VAMP4: variants seen among roughly 807,000 people sequenced by gnomAD.
VAMP4 encodes the protein vesicle-associated membrane protein 4.
In VAMP4, 19 loss-of-function variants were observed where a neutral mutation model predicts 23.5. That is an observed-to-expected ratio of 0.81 (90% CI 0.56 to 1.19). The LOEUF is 1.19. Among genes scored for constraint, VAMP4 ranks in the 50% most tolerant of loss-of-function variants. The pLI is 0.00. For synonymous variants in VAMP4, 31 were observed against 51.0 expected, an observed-to-expected ratio of 0.61 and a Z score of 1.67; for missense variants, 145 against 168.6, an observed-to-expected ratio of 0.86 and a Z score of 0.78.
chr1:171,723,260 G>A lies in VAMP4; in HGVS notation c.114-4039C>T, dbSNP rs147402272. ...AAATTAAAATTGCTAATGAAGTTTC[G>A]GGCACGCACTGTCATTGATAACATC... On this transcript the variant is annotated intron_variant, in intron 3 of 7. Transcript: ENST00000236192. Among the ~76,000 whole-genome samples, 421 of 152,216 alleles carry A rather than the reference G, an allele frequency of 2.8e-3. 5 individuals carry two copies. The highest frequency in any genetic ancestry group is 9.1e-3 in the African/African-American group (379 of 41,544).
intron 2 of VAMP4, among the ~76,000 whole-genome samples, 156 bp from the exon 3 acceptor site, chr1:171,728,726 A>G (rs1183084064): frequency 6.6e-6 from 1 of 152,236 alleles, no homozygotes. Flanking sequence ...CTGGAAGCTA[A>G]AAGATGTGGG....
At chr1:171,732,931 A>T (rs892984819) in intron 2 of VAMP4, among the ~76,000 whole-genome samples, 4 of 152,208 alleles carry the variant, frequency 2.6e-5, no homozygotes, top group Non-Finnish European at 4.4e-5. Flanking sequence ...AAAAGACCTG[A>T]TGTCTGTATT....
chr1:171,740,025 T>A (rs1275622688), intron 1 of VAMP4, among the ~76,000 whole-genome samples: 1 of 152,270 alleles, frequency 6.6e-6, no homozygotes, highest in East Asian at 1.9e-4. Context: ...TGTTTTACTA[T>A]GTGCTAGGCA....
chr1:171,738,209 C>T, intron 2 of VAMP4, 140 bp downstream of exon 2: 6 of 845,608 alleles, frequency 7.1e-6, no homozygotes, highest in Non-Finnish European at 1.1e-5. Flanking sequence ...TGGGCTCAAG[C>T]TATTCTGCTT....
In VAMP4 at chr1:171,704,096, G is replaced by A. The variant is rs10903; in HGVS notation, c.*410C>T. On this transcript the variant is annotated 3_prime_UTR_variant, in exon 8 of 8. Coordinates refer to ENST00000236192, the MANE Select transcript of VAMP4 (RefSeq NM_003762.5). ...ACAGAATGGTTATGCATCTCTTTCA[G>A]CATATAATTTGGTACTCTACACAGG... 0.17 allele frequency: 25,654 copies of A among 153,562 alleles called. 2,286 individuals are homozygous for A. Among genetic ancestry groups the A allele is most frequent in the Middle Eastern group, 0.25 (74 of 300 alleles). The allele number at this position is 153,562 out of a possible 1,614,324, so 9.5% of individuals were successfully genotyped here.
At chr1:171,704,978 T>C (rs1654604975) in intron 7 of VAMP4, among the ~76,000 whole-genome samples, 1 of 152,088 alleles carries the variant, frequency 6.6e-6, no homozygotes, top group African/African-American at 2.4e-5. Flanking sequence ...TTTTTGTTAT[T>C]AATATTTCAC....
At chr1:171,711,768 T>C (rs1654854959) in intron 4 of VAMP4, among the ~76,000 whole-genome samples, 1 of 152,180 alleles carries the variant, frequency 6.6e-6, no homozygotes, top group Non-Finnish European at 1.5e-5. Context: ...ATGGTCCTCA[T>C]ACTAAACACT....
intron 2 of VAMP4, among the ~76,000 whole-genome samples, chr1:171,733,607 G>C (rs551230781): frequency 6.6e-6 from 1 of 152,272 alleles, no homozygotes; most frequent in African/African-American, 2.4e-5. Flanking sequence ...ACAAGTGCTA[G>C]GGATACAGTG....
chr1:171,704,487 G>GA lies in VAMP4; in HGVS notation c.*18dup. On this transcript the variant is annotated 3_prime_UTR_variant, in exon 8 of 8. Transcript: ENST00000236192. ...ATTACTGTCCCAGATCTTGTTTAAT[G>GA]AAGATCTCTGTCATCAAATCAAGTA... 6.4e-7 allele frequency: 1 copy of GA among 1,569,732 alleles called. No individual in the cohort carries two copies. The highest frequency in any genetic ancestry group is 8.6e-7 in the Non-Finnish European group (1 of 1,156,156).
At position 171,704,218 on chromosome 1, in the gene VAMP4, T is replaced by C. The variant is rs187889334; in HGVS notation, c.*288A>G. On this transcript the variant is annotated 3_prime_UTR_variant, in exon 8 of 8. Coordinates refer to ENST00000236192, the MANE Select transcript of VAMP4 (RefSeq NM_003762.5). ...TGAAATATTATAATCAGTGTTTATATACACAAATAATGAACTGGCAAGTAT... is the reference window on the plus strand; with the variant it reads ...TGAAATATTATAATCAGTGTTTATACACACAAATAATGAACTGGCAAGTAT... 130 of 227,948 alleles carry C rather than the reference T, an allele frequency of 5.7e-4. No homozygotes were observed. Among genetic ancestry groups the C allele is most frequent in the African/African-American group, 2.9e-3 (127 of 44,294 alleles). 14.1% of individuals were successfully genotyped at this position (227,948 alleles called of 1,614,324 possible). A position where few individuals can be genotyped will look rare whatever the true frequency, so the allele number is the denominator to read the frequency against.
intron 2 of VAMP4, among the ~76,000 whole-genome samples, chr1:171,734,104 C>A (rs1655651299): frequency 6.6e-6 from 1 of 151,816 alleles, no homozygotes; most frequent in African/African-American, 2.4e-5. Context: ...CCCATCTCTA[C>A]TAAAAATACA....
intron 2 of VAMP4, among the ~76,000 whole-genome samples, chr1:171,736,813 C>T (rs371721152): frequency 4.6e-5 from 7 of 151,966 alleles, no homozygotes; most frequent in South Asian, 2.1e-4. Flanking sequence ...CCCATCTTTA[C>T]GAGAAAAACA....
At position 171,732,610 on chromosome 1, in the gene VAMP4, C is replaced by G. The variant is rs184059112; in HGVS notation, c.67-4040G>C. 2.2e-3 allele frequency among the ~76,000 whole-genome samples: 329 copies of G among 152,164 alleles called. 2 individuals carry two copies. Among genetic ancestry groups the G allele is most frequent in the South Asian group, 0.011 (54 of 4,824 alleles). On this transcript the variant is annotated intron_variant, in intron 2 of 7. Transcript: ENST00000236192. ...TTAAATGTAAATAAAGGTGATTAGA[C>G]TATTTTGAAATGAAAGACACTGGGA...
chr1:171,713,873 T>C (rs892175377), intron 4 of VAMP4, among the ~76,000 whole-genome samples: 5 of 152,106 alleles, frequency 3.3e-5, no homozygotes, highest in African/African-American at 9.7e-5. Context: ...TCCATGGATA[T>C]AGGCAGATTA....
Position 171,700,876 on chromosome 1 carries a change from C to CT in VAMP4, c.*3629dup. The stretch of plus-strand genomic sequence containing the variant: ...CCTGTAATTGGGTTGGTCATGCTTT[C>CT]TTTTCAATTCCTACTGATTTGTTCC... On this transcript the variant is annotated 3_prime_UTR_variant, in exon 8 of 8. Transcript: ENST00000236192. The CT allele has an allele frequency of 6.6e-6, 1 of 152,218 alleles. No individual in the cohort carries two copies. Among genetic ancestry groups the CT allele is most frequent in the African/African-American group, 2.4e-5 (1 of 41,542 alleles). The allele number at this position is 152,218 out of a possible 1,614,324, so 9.4% of individuals were successfully genotyped here. A position where few individuals can be genotyped will look rare whatever the true frequency, so the allele number is the denominator to read the frequency against.
chr1:171,709,780 G>A (rs1455204156), intron 5 of VAMP4, 36 bp from the exon 6 acceptor site: 2 of 1,489,842 alleles, frequency 1.3e-6, no homozygotes, highest in African/African-American at 1.4e-5. Flanking sequence ...AGGATTAAAC[G>A]ACATAACAGG....
At chr1:171,721,231 T>C (rs1340485561) in intron 3 of VAMP4, among the ~76,000 whole-genome samples, 1 of 152,068 alleles carries the variant, frequency 6.6e-6, no homozygotes, top group Non-Finnish European at 1.5e-5. Context: ...ATGCTTCCCC[T>C]AAAGGAGATC....
intron 2 of VAMP4, 86 bp from the exon 3 acceptor site, chr1:171,728,656 TA>T: frequency 7.7e-7 from 1 of 1,302,884 alleles, no homozygotes; most frequent in Non-Finnish European, 1.0e-6. Context: ...AGTCCTATAC[TA>T]GTGAAATTTC....
In VAMP4 at chr1:171,704,288, G is replaced by A. The variant is rs1406858541; in HGVS notation, c.*218C>T. 1 of 346,266 alleles carries A rather than the reference G, an allele frequency of 2.9e-6. No homozygotes were observed. 21.4% of individuals were successfully genotyped at this position (346,266 alleles called of 1,614,324 possible). ...TTGAAATATGGAAAAATAGAGGCTA[G>A]TTCTCTTTGCCTTAAACATAATTAT... is the stretch of plus-strand genomic sequence containing the variant. On this transcript the variant is annotated 3_prime_UTR_variant, in exon 8 of 8. Transcript: ENST00000236192.
Sources: allele counts gnomAD v4.1 joint callset (sites outside exome capture counted in the v4.1 genomes callset), GRCh38; gene constraint gnomAD v4.1.1; transcripts MANE v1.5; gene names NCBI Gene and HGNC (gene_info 2026-07-23, HGNC 2026-07-21).